The following ZNG1B variants were observed in gnomAD, a reference collection of about 807,000 sequenced individuals.
ZNG1B encodes the protein zinc-regulated GTPase metalloprotein activator 1B.
chr2:113,475,684 G>C, the ZNG1B span, among the ~76,000 whole-genome samples: 6 of 151,972 alleles, frequency 3.9e-5, no homozygotes, highest in African/African-American at 1.5e-4. Context: ...GGGCAGGCCT[G>C]GTGGTGACAA....
the ZNG1B span, among the ~76,000 whole-genome samples, chr2:113,476,313 G>A: frequency 2.0e-5 from 3 of 151,530 alleles, no homozygotes; most frequent in Admixed American, 2.0e-4. Flanking sequence ...TCTTCACGTA[G>A]TTCTTGAGCC....
the ZNG1B span, among the ~76,000 whole-genome samples, chr2:113,440,341 ATCTTC>A: frequency 1.4e-4 from 21 of 151,884 alleles, no homozygotes; most frequent in African/African-American, 5.1e-4. Flanking sequence ...GCCCTAGTAA[ATCTTC>A]TCTTAGAAGA....
chr2:113,472,113 G>T, the ZNG1B span, among the ~76,000 whole-genome samples: 1 of 147,986 alleles, frequency 6.8e-6, no homozygotes, highest in Non-Finnish European at 1.5e-5. Context: ...GTGTAAAAGT[G>T]TTCCTATTTC....
At chr2:113,489,876 G>T in the ZNG1B span, among the ~76,000 whole-genome samples, 1 of 146,992 alleles carries the variant, frequency 6.8e-6, no homozygotes, top group East Asian at 2.0e-4. Context: ...ATTACTAATA[G>T]ACCTAAAAAA....
the ZNG1B span, among the ~76,000 whole-genome samples, chr2:113,456,454 G>T: frequency 3.4e-5 from 5 of 145,162 alleles, no homozygotes; most frequent in South Asian, 2.2e-4. Context: ...AAGACATTTT[G>T]TTTTTTTTTT....
the ZNG1B span, chr2:113,470,964 T>G: frequency 1.1e-5 from 18 of 1,584,612 alleles, no homozygotes; most frequent in Non-Finnish European, 1.4e-5. Context: ...AGTCAGAGTT[T>G]TTTTTCTTGA....
chr2:113,448,446 G>A, the ZNG1B span, among the ~76,000 whole-genome samples: 1 of 149,136 alleles, frequency 6.7e-6, no homozygotes, highest in African/African-American at 2.5e-5. Flanking sequence ...TTTTCAGGAT[G>A]GTAAATGATT....
At chr2:113,455,749 C>T in the ZNG1B span, 1 of 384,980 alleles carries the variant, frequency 2.6e-6, no homozygotes, top group Admixed American at 4.0e-5. Context: ...GAGACAGAGT[C>T]TCACTCTGTT....
At chr2:113,472,545 C>T in the ZNG1B span, among the ~76,000 whole-genome samples, 1 of 151,924 alleles carries the variant, frequency 6.6e-6, no homozygotes, top group Non-Finnish European at 1.5e-5. Context: ...GTGTTTTAGA[C>T]ATGAAGTCCT....
chr2:113,438,108 T>C, the ZNG1B span: 49 of 1,599,204 alleles, frequency 3.1e-5, no homozygotes, highest in Middle Eastern at 2.3e-4. Context: ...TCCTGAGGCA[T>C]TGGGGCCTCA....
chr2:113,442,476 T>C, the ZNG1B span, among the ~76,000 whole-genome samples: 6 of 152,248 alleles, frequency 3.9e-5, no homozygotes, highest in Non-Finnish European at 5.9e-5. Flanking sequence ...AAGCCAGTTA[T>C]ATTCGATTTC....
chr2:113,490,172 C>T, the ZNG1B span, among the ~76,000 whole-genome samples: 1 of 152,162 alleles, frequency 6.6e-6, no homozygotes, highest in East Asian at 1.9e-4. Flanking sequence ...CTCTCTCAGA[C>T]CACAGTGGAA....
the ZNG1B span, among the ~76,000 whole-genome samples, chr2:113,474,715 C>T: frequency 1.3e-5 from 2 of 151,346 alleles, no homozygotes; most frequent in Non-Finnish European, 2.9e-5. Context: ...TTTCAAAGAA[C>T]ATCTTTATTT....
the ZNG1B span, among the ~76,000 whole-genome samples, chr2:113,446,617 C>G: frequency 6.7e-6 from 1 of 149,038 alleles, no homozygotes; most frequent in South Asian, 2.1e-4. Context: ...CGTTGTGGCG[C>G]ACCCCATAAT....
chr2:113,471,253 G>A, the ZNG1B span, among the ~76,000 whole-genome samples: 1 of 152,054 alleles, frequency 6.6e-6, no homozygotes, highest in Non-Finnish European at 1.5e-5. Flanking sequence ...TTTACTAACT[G>A]GTTGTTTGGA....
chr2:113,462,603 C>T, the ZNG1B span: 3 of 1,240,816 alleles, frequency 2.4e-6, no homozygotes, highest in East Asian at 7.0e-5. Flanking sequence ...GGTTGAGCTG[C>T]TTCAAGAACG....
the ZNG1B span, among the ~76,000 whole-genome samples, chr2:113,476,739 C>G: frequency 2.0e-4 from 31 of 152,092 alleles, 1 homozygote; most frequent in African/African-American, 6.8e-4. Flanking sequence ...TTCTAACAGA[C>G]AGGACCTTCA....
chr2:113,457,689 A>T, the ZNG1B span, among the ~76,000 whole-genome samples: 1 of 145,644 alleles, frequency 6.9e-6, no homozygotes, highest in African/African-American at 2.5e-5. Flanking sequence ...AAGGTATACA[A>T]TGTGTGAATT....
At chr2:113,462,136 G>A in the ZNG1B span, among the ~76,000 whole-genome samples, 3,021 of 152,204 alleles carry the variant, frequency 0.02, 91 homozygotes, top group African/African-American at 0.069. Context: ...AGAGTAGCAA[G>A]TAACAGAACT....
Sources: allele counts gnomAD v4.1 joint callset (sites outside exome capture counted in the v4.1 genomes callset), GRCh38; gene constraint gnomAD v4.1.1; transcripts MANE v1.5; gene names NCBI Gene and HGNC (gene_info 2026-07-23, HGNC 2026-07-21).